Variants in GRID2 observed in about 807,000 individuals in gnomAD.
GRID2 encodes glutamate ionotropic receptor delta type subunit 2, also known as glutamate receptor ionotropic, delta-2.
A neutral mutation model predicts 114.8 loss-of-function variants in GRID2; 33 were observed. The ratio of observed to expected loss-of-function variants is 0.29; its 90% confidence interval spans 0.22 to 0.38. The LOEUF is 0.38. Ranked by LOEUF, GRID2 falls within the 10% of genes least tolerant of loss-of-function variation. GRID2 has a pLI of 1.00. For synonymous variants in GRID2, 505 were observed against 449.9 expected, an observed-to-expected ratio of 1.12 and a Z score of -1.55; for missense variants, 1,184 against 1,257.7, an observed-to-expected ratio of 0.94 and a Z score of 0.89.
chr4:93,598,908 A>T (rs1739393117), intron 13 of GRID2, among the ~76,000 whole-genome samples: 1 of 152,176 alleles, frequency 6.6e-6, no homozygotes, highest in Non-Finnish European at 1.5e-5. Flanking sequence ...ATTATTTTTT[A>T]TTTATAATTT....
At chr4:92,827,064 C>G (rs929756357) in intron 2 of GRID2, among the ~76,000 whole-genome samples, 4 of 151,966 alleles carry the variant, frequency 2.6e-5, no homozygotes, top group African/African-American at 9.7e-5. Flanking sequence ...CAGTTACATT[C>G]CTGTATAAAG....
At chr4:92,416,107 A>T (rs1237369138) in intron 1 of GRID2, among the ~76,000 whole-genome samples, 1 of 151,926 alleles carries the variant, frequency 6.6e-6, no homozygotes, top group African/African-American at 2.4e-5. Context: ...TCTTGCAGGA[A>T]AAAGTTGGTA....
intron 2 of GRID2, among the ~76,000 whole-genome samples, chr4:92,611,428 T>G (rs1012698980): frequency 5.3e-5 from 8 of 151,510 alleles, no homozygotes; most frequent in African/African-American, 1.9e-4. Flanking sequence ...ACTAATCCTA[T>G]CAGATAAGGA....
chr4:93,360,313 A>G (rs1011702689), intron 8 of GRID2, among the ~76,000 whole-genome samples: 51 of 152,064 alleles, frequency 3.4e-4, no homozygotes, highest in African/African-American at 1.2e-3. Context: ...TATCTTGCGA[A>G]ATAATGTATT....
chr4:92,468,417 T>C (rs1721860810), intron 1 of GRID2, among the ~76,000 whole-genome samples: 1 of 152,104 alleles, frequency 6.6e-6, no homozygotes, highest in Admixed American at 6.6e-5. Flanking sequence ...TGCTATTTAT[T>C]GGTTTTATAA....
chr4:92,578,459 A>T (rs1383561915), intron 1 of GRID2, among the ~76,000 whole-genome samples: 3 of 151,832 alleles, frequency 2.0e-5, no homozygotes, highest in Non-Finnish European at 4.4e-5. Context: ...CATCATTTTT[A>T]TTTAAAATGG....
At position 93,146,300 on chromosome 4, in the gene GRID2, C is replaced by T. The variant is rs1382673778; in HGVS notation, c.735+35347C>T. Reference sequence around the variant, plus strand: ...CTATTTGGCAGTGTATTTGGACTTTCATTTGGTATAGAATTTAAATCAAGG... The same window carrying T: ...CTATTTGGCAGTGTATTTGGACTTTTATTTGGTATAGAATTTAAATCAAGG... On this transcript the variant is annotated intron_variant, in intron 4 of 15. Coordinates refer to ENST00000282020, the MANE Select transcript of GRID2 (RefSeq NM_001510.4). Among the ~76,000 whole-genome samples, 5 of 152,016 alleles carry T rather than the reference C, an allele frequency of 3.3e-5. No homozygotes were observed. The East Asian group carries it at 7.7e-4, about 24-fold the overall frequency.
intron 8 of GRID2, among the ~76,000 whole-genome samples, chr4:93,365,914 C>A (rs1464103079): frequency 2.0e-5 from 3 of 152,156 alleles, no homozygotes; most frequent in Non-Finnish European, 4.4e-5. Context: ...GTCTTTACTG[C>A]AATCTCTAAA....
chr4:93,666,415 G>T (rs766188361), intron 14 of GRID2, among the ~76,000 whole-genome samples: 6 of 152,012 alleles, frequency 3.9e-5, no homozygotes, highest in African/African-American at 1.4e-4. Flanking sequence ...ATTTTTCAGA[G>T]AGGTATTTAA....
Position 93,748,069 on chromosome 4 carries a change from A to G in GRID2, c.2361-21141A>G, listed in dbSNP as rs141366339. On this transcript the variant is annotated intron_variant, in intron 14 of 15. Transcript: ENST00000282020. ...AATTCGATAAACATTTAGAAAATTA[A>G]TAAGTATAAAAAGTGTTATGACCCA... Among the ~76,000 whole-genome samples, 462 of 152,296 alleles carry G rather than the reference A, an allele frequency of 3.0e-3. 3 individuals are homozygous for G. The highest frequency in any genetic ancestry group is 0.011 in the African/African-American group (442 of 41,576).
intron 2 of GRID2, among the ~76,000 whole-genome samples, chr4:92,683,124 CTTG>C (rs1437561355): frequency 3.5e-4 from 53 of 152,164 alleles, no homozygotes; most frequent in Non-Finnish European, 5.4e-4. Flanking sequence ...ACGGTGAAAC[CTTG>C]CCTCTACTAA....
chr4:92,331,731 A>T (rs1726898664), intron 1 of GRID2, among the ~76,000 whole-genome samples: 1 of 152,162 alleles, frequency 6.6e-6, no homozygotes, highest in Non-Finnish European at 1.5e-5. Context: ...TAACACTGTA[A>T]TCTTCTACAT....
At chr4:92,791,483 A>G (rs779913954) in intron 2 of GRID2, among the ~76,000 whole-genome samples, 1 of 151,884 alleles carries the variant, frequency 6.6e-6, no homozygotes, top group Non-Finnish European at 1.5e-5. Flanking sequence ...TTGTCATCTA[A>G]ATTTCACATG....
At position 93,005,811 on chromosome 4, in the gene GRID2, G is replaced by A. The variant is rs745360932; in HGVS notation, c.245-79184G>A. Reference sequence around the variant, plus strand: ...AGCCACAAAAGGTTGCACGTTGTACGTTTCTTTTTATATGAAATATCCAGA... The same window carrying A: ...AGCCACAAAAGGTTGCACGTTGTACATTTCTTTTTATATGAAATATCCAGA... On this transcript the variant is annotated intron_variant, in intron 2 of 15. Coordinates refer to ENST00000282020, the MANE Select transcript of GRID2 (RefSeq NM_001510.4). 7.9e-5 allele frequency among the ~76,000 whole-genome samples: 12 copies of A among 151,974 alleles called. 1 individual carries two copies. In the East Asian group the frequency reaches 1.5e-3, roughly 20 times the overall value.
chr4:93,700,322 T>A (rs1047654043), intron 14 of GRID2, among the ~76,000 whole-genome samples: 5 of 152,144 alleles, frequency 3.3e-5, no homozygotes, highest in African/African-American at 1.2e-4. Flanking sequence ...CAACCCTGTA[T>A]GAATTTTTAA....
chr4:93,784,835 T>C (rs4692991), intron 1 of GRID2, among the ~76,000 whole-genome samples: 62,265 of 152,010 alleles, frequency 0.41, 13,252 homozygotes, highest in East Asian at 0.76. Context: ...AAGATGCTCT[T>C]CTAGGTATGC....
At chr4:92,586,601 C>A (rs1323303287) in intron 1 of GRID2, among the ~76,000 whole-genome samples, 1 of 151,776 alleles carries the variant, frequency 6.6e-6, no homozygotes, top group Admixed American at 6.6e-5. Context: ...AAAGGGCATA[C>A]CTGCATTAAT....
intron 2 of GRID2, among the ~76,000 whole-genome samples, chr4:93,018,544 T>C (rs1172562279): frequency 1.3e-5 from 2 of 152,132 alleles, no homozygotes; most frequent in Non-Finnish European, 2.9e-5. Context: ...GAGAGATCAA[T>C]TCCATTTTAA....
At chr4:93,721,939 G>A (rs1328696007) in intron 14 of GRID2, among the ~76,000 whole-genome samples, 2 of 128,752 alleles carry the variant, frequency 1.6e-5, no homozygotes, top group Non-Finnish European at 3.2e-5. Flanking sequence ...TTTTTTTTGA[G>A]ACGGAATCTT....
Sources: gnomAD v4.1 joint callset for allele counts (sites outside exome capture counted in the v4.1 genomes callset) on GRCh38, gnomAD v4.1.1 for gene constraint, MANE v1.5 for transcripts, NCBI Gene and HGNC (gene_info 2026-07-23, HGNC 2026-07-21) for gene names.